ZNF557: variants seen among roughly 807,000 people sequenced by gnomAD.
The protein encoded by ZNF557 is CTB-25J19.9.
Under a neutral mutation model 21.2 loss-of-function variants are expected in ZNF557, and 19 were observed. That is an observed-to-expected ratio of 0.90 (90% CI 0.63 to 1.32). The LOEUF is 1.32. Among genes scored for constraint, ZNF557 ranks in the 40% most tolerant of loss-of-function variants. The probability of loss-of-function intolerance (pLI) is 0.00; values close to 1 mark genes in which losing one functional copy is unlikely to be tolerated. For missense variants in ZNF557, 487 were observed against 519.8 expected (o/e 0.94, Z 0.61); for synonymous variants, 207 against 194.8 (o/e 1.06, Z -0.52).
At chr19:7,079,749 T>G (rs931933997) in intron 5 of ZNF557, among the ~76,000 whole-genome samples, 6 of 152,210 alleles carry the variant, frequency 3.9e-5, no homozygotes, top group African/African-American at 1.4e-4. Flanking sequence ...TTCTGTTAGC[T>G]TAGTGTTCAG....
intron 5 of ZNF557, among the ~76,000 whole-genome samples, chr19:7,077,616 C>T (rs924148865): frequency 9.2e-5 from 14 of 152,116 alleles, no homozygotes; most frequent in African/African-American, 3.4e-4. Flanking sequence ...CATTCATATA[C>T]AAGATTTTGC....
At chr19:7,074,353 C>CACACAT (rs1281145443) in intron 2 of ZNF557, among the ~76,000 whole-genome samples, 1 of 151,194 alleles carries the variant, frequency 6.6e-6, no homozygotes, top group Non-Finnish European at 1.5e-5. Context: ...CACACACACA[C>CACACAT]ACACAGCCCT....
In ZNF557 at chr19:7,074,032, G is replaced by T. The variant is rs1977518941; in HGVS notation, c.-79-964G>T. Among the ~76,000 whole-genome samples the T allele has an allele frequency of 3.8e-5, 5 of 132,708 alleles. 1 individual carries two copies. Among genetic ancestry groups the T allele is most frequent in the Admixed American group, 8.4e-5 (1 of 11,946 alleles). 87.1% of individuals were successfully genotyped at this position (132,708 alleles called of 152,430 possible). On this transcript the variant is annotated intron_variant, in intron 2 of 7. Transcript: ENST00000252840. ...TTTTTTTTTTTCCAAATGGAGTGTT[G>T]CTCTGTTGCCCAGGCTGGAGTGCAA...
rs1977436911 is a variant in ZNF557, at chr19:7,070,566, A to T, written c.-167A>T. On this transcript the variant is annotated 5_prime_UTR_variant, in exon 2 of 8. Transcript: ENST00000252840. ...TTTTGTGCCCTTTTTATTTAGACGA[A>T]AAAAGTATAATTCAAGCTCAGATTT... 1 of 152,138 alleles carries T rather than the reference A, an allele frequency of 6.6e-6. No homozygotes were observed. The highest frequency in any genetic ancestry group is 2.1e-4 in the South Asian group (1 of 4,830). 9.4% of individuals were successfully genotyped at this position (152,138 alleles called of 1,614,324 possible).
At chr19:7,082,490 TAAAG>T (rs1977733520) in intron 7 of ZNF557, among the ~76,000 whole-genome samples, 1 of 149,672 alleles carries the variant, frequency 6.7e-6, no homozygotes, top group Admixed American at 6.7e-5. Flanking sequence ...TTTTCAAAGA[TAAAG>T]TAGTACCTCT....
rs1028376095 is a variant in ZNF557 at position 7,079,440 on chromosome 19, C to T, written c.248-1920C>T. 9.4e-5 allele frequency among the ~76,000 whole-genome samples: 12 copies of T among 127,360 alleles called. No homozygotes were observed. In the South Asian group the frequency reaches 1.3e-3, roughly 14 times the overall value. The allele number at this position is 127,360 out of a possible 152,430, so 83.6% of individuals were successfully genotyped here. A position where few individuals can be genotyped will look rare whatever the true frequency, so the allele number is the denominator to read the frequency against. ...ATATATTTAGTAGAGACAGGGTTCA[C>T]CGTGTTAGCCAGGATGATCTCGATC... On this transcript the variant is annotated intron_variant, in intron 5 of 7. Coordinates refer to ENST00000252840, the MANE Select transcript of ZNF557 (RefSeq NM_024341.3).
At chr19:7,071,077 ATTTG>A (rs941199865) in intron 2 of ZNF557, among the ~76,000 whole-genome samples, 1 of 152,040 alleles carries the variant, frequency 6.6e-6, no homozygotes. Flanking sequence ...CTTAAAAATT[ATTTG>A]TTTGATGCCT....
intron 5 of ZNF557, among the ~76,000 whole-genome samples, chr19:7,080,547 T>C (rs558541857): frequency 9.5e-4 from 145 of 152,272 alleles, no homozygotes; most frequent in African/African-American, 3.4e-3. Context: ...GGGAAGCCCT[T>C]TGATCCAGCC....
At position 7,083,770 on chromosome 19, in the gene ZNF557, C is replaced by G. The variant is rs764416028; in HGVS notation, c.*26C>G. ...ATTCAATAACTGTGGGAAAAGCATT[C>G]ATTGATCTTTCATGCCTCAGATAAC... is the stretch of plus-strand genomic sequence containing the variant. On this transcript the variant is annotated 3_prime_UTR_variant, in exon 8 of 8. Coordinates refer to ENST00000252840, the MANE Select transcript of ZNF557 (RefSeq NM_024341.3). 1.3e-5 allele frequency: 20 copies of G among 1,567,898 alleles called. No individual in the cohort carries two copies. Among genetic ancestry groups the G allele is most frequent in the Non-Finnish European group, 1.7e-5 (20 of 1,156,936 alleles).
At chr19:7,073,980 C>T (rs2145164638) in intron 2 of ZNF557, among the ~76,000 whole-genome samples, 1 of 150,158 alleles carries the variant, frequency 6.7e-6, no homozygotes, top group East Asian at 2.0e-4. Flanking sequence ...CCACCAACCC[C>T]TCCCACACAC....
chr19:7,074,883 C>T (rs1487986613), intron 2 of ZNF557, 113 bp from the exon 3 acceptor site: 36 of 674,258 alleles, frequency 5.3e-5, no homozygotes, highest in South Asian at 2.3e-4. Flanking sequence ...AGGCAGGGCA[C>T]GGGCAGGAGA....
At chr19:7,073,154 T>G (rs1225756260) in intron 2 of ZNF557, among the ~76,000 whole-genome samples, 7 of 51,340 alleles carry the variant, frequency 1.4e-4, no homozygotes, top group Non-Finnish European at 2.1e-4. Context: ...TTTGGTTTTT[T>G]TTGTTTTTTT....
intron 5 of ZNF557, among the ~76,000 whole-genome samples, chr19:7,080,023 C>G (rs529916180): frequency 6.6e-6 from 1 of 152,020 alleles, no homozygotes; most frequent in African/African-American, 2.4e-5. Context: ...GTGTGGAGGC[C>G]GGGCGCAGTG....
chr19:7,083,274 A>C lies in ZNF557; in HGVS notation c.823A>C (p.Thr275Pro), dbSNP rs1977758288. ...TAACCAGTGTTTTCGTGAGTTCCGC[A>C]CTCAGTCAATCTTCACAAGGCACAA... ...KCNQCFREFR[T>P]QSIFTRHKRV... Residue 275 changes from threonine (T) to proline (P), a missense_variant, in exon 8 of 8, where the codon ACT becomes CCT. Coordinates refer to ENST00000252840, the MANE Select transcript of ZNF557 (RefSeq NM_024341.3). The C allele has an allele frequency of 6.2e-7, 1 of 1,614,190 alleles. No individual in the cohort carries two copies.
rs972883545 is a variant in ZNF557 at position 7,087,168 on chromosome 19, T to G, written c.*3424T>G. 7.0e-5 allele frequency: 10 copies of G among 143,820 alleles called. No individual in the cohort carries two copies. Among genetic ancestry groups the G allele is most frequent in the Non-Finnish European group, 1.2e-4 (8 of 66,284 alleles). The allele number at this position is 143,820 out of a possible 1,614,324, so 8.9% of individuals were successfully genotyped here. On this transcript the variant is annotated 3_prime_UTR_variant, in exon 8 of 8. Transcript: ENST00000252840. ...CTCATCTATTTTCTTTTCATTCTTT[T>G]GGAAAGTGGACACAAAGCATAGAGT... is the stretch of plus-strand genomic sequence containing the variant.
chr19:7,070,348 C>G (rs111697232), intron 1 of ZNF557, among the ~76,000 whole-genome samples: 6 of 152,234 alleles, frequency 3.9e-5, no homozygotes, highest in African/African-American at 1.4e-4. Context: ...GCTTCTTGTC[C>G]CATTTTAGGG....
intron 5 of ZNF557, among the ~76,000 whole-genome samples, chr19:7,080,886 A>G (rs1180237761): frequency 6.6e-6 from 1 of 152,184 alleles, no homozygotes; most frequent in Non-Finnish European, 1.5e-5. Flanking sequence ...CTTCACTGAC[A>G]TTACTTCGTT....
At chr19:7,075,788 G>C (rs748762493) in intron 4 of ZNF557, 45 bp downstream of exon 4, 13 of 1,603,618 alleles carry the variant, frequency 8.1e-6, no homozygotes, top group Admixed American at 6.7e-5. Context: ...CCTTCAGCCA[G>C]AAGGTTGGAC....
At chr19:7,075,284 C>T (rs1977561429) in intron 3 of ZNF557, among the ~76,000 whole-genome samples, 179 bp downstream of exon 3, 1 of 152,160 alleles carries the variant, frequency 6.6e-6, no homozygotes, top group Non-Finnish European at 1.5e-5. Context: ...ATTTGGGTGT[C>T]TGTGGATGTC....
Sources: allele counts gnomAD v4.1 joint callset (sites outside exome capture counted in the v4.1 genomes callset), GRCh38; gene constraint gnomAD v4.1.1; transcripts MANE v1.5; gene names NCBI Gene and HGNC (gene_info 2026-07-23, HGNC 2026-07-21).